Variants in DNAL1 observed in about 807,000 individuals in gnomAD.
The protein encoded by DNAL1 is dynein axonemal light chain 1.
DNAL1 carries 17 observed loss-of-function variants against 29.4 expected under a neutral mutation model. The ratio of observed to expected loss-of-function variants is 0.58; its 90% CI spans 0.40 to 0.87. DNAL1 has a LOEUF of 0.87. DNAL1 is among the 40% of genes least tolerant of loss of function. The probability of loss-of-function intolerance (pLI) is 0.00; values close to 1 mark genes in which losing one functional copy is unlikely to be tolerated. For synonymous variants in DNAL1, 78 were observed against 76.3 expected (o/e 1.02, Z -0.12); for missense variants, 188 against 214.1 (o/e 0.88, Z 0.76).
At chr14:73,682,869 ATTTT>A (rs57815202) in intron 5 of DNAL1, among the ~76,000 whole-genome samples, 4 of 101,810 alleles carry the variant, frequency 3.9e-5, no homozygotes, top group Admixed American at 1.1e-4. Context: ...TTTTATAGTT[ATTTT>A]TTTTTTTTTT....
intron 5 of DNAL1, among the ~76,000 whole-genome samples, chr14:73,681,624 AAAAAAAAAAATATATATAT>A (rs1891884019): frequency 2.0e-5 from 1 of 49,196 alleles, no homozygotes; most frequent in African/African-American, 6.6e-5. Context: ...AAAAAAAAAA[AAAAAAAAAAATATATATAT>A]ATATATATAT....
At chr14:73,668,605 T>C (rs1382990437) in intron 4 of DNAL1, among the ~76,000 whole-genome samples, 2 of 152,186 alleles carry the variant, frequency 1.3e-5, no homozygotes, top group East Asian at 3.8e-4. Context: ...CCTGTAGTTG[T>C]GATCAAGATG....
rs1302613060 is a variant in DNAL1 at position 73,658,917 on chromosome 14, A to G, written c.113A>G (p.Glu38Gly). Reference sequence around the variant, plus strand: ...CTTTATGCCCAGATTCCCCCTATAGAGAAGATGGATGCATCCTTGTCCATG... The same window carrying G: ...CTTTATGCCCAGATTCCCCCTATAGGGAAGATGGATGCATCCTTGTCCATG... ...IKLYAQIPPI[E>G]KMDASLSMLA... Residue 38 changes from glutamate to glycine, a missense_variant, in exon 3 of 8, where the codon GAG becomes GGG. Physicochemically the swap from Glu to Gly is moderately conservative, Grantham distance 98 (BLOSUM62 -2). Transcript: ENST00000553645. 6.4e-7 allele frequency: 1 copy of G among 1,573,920 alleles called. No individual in the cohort carries two copies. The highest frequency in any genetic ancestry group is 8.6e-7 in the Non-Finnish European group (1 of 1,159,272).
intron 5 of DNAL1, among the ~76,000 whole-genome samples, chr14:73,675,902 C>T (rs570987520): frequency 6.6e-6 from 1 of 152,112 alleles, no homozygotes; most frequent in East Asian, 1.9e-4. Flanking sequence ...GTAATCCCAG[C>T]TACTTGGGAG....
intron 5 of DNAL1, among the ~76,000 whole-genome samples, chr14:73,677,884 TTG>T (rs566825653): frequency 0.036 from 3,472 of 96,022 alleles, 195 homozygotes; most frequent in African/African-American, 0.12. Context: ...ATATATATAT[TTG>T]TGTGTGTGTG....
chr14:73,693,679 C>T (rs1285060100), intron 7 of DNAL1, among the ~76,000 whole-genome samples: 1 of 151,916 alleles, frequency 6.6e-6, no homozygotes, highest in Non-Finnish European at 1.5e-5. Flanking sequence ...CCCCTGCACT[C>T]CAGCCTGGGT....
intron 5 of DNAL1, among the ~76,000 whole-genome samples, chr14:73,685,170 G>T (rs181727193): frequency 6.6e-6 from 1 of 152,060 alleles, no homozygotes; most frequent in African/African-American, 2.4e-5. Flanking sequence ...TAAGTGTATA[G>T]TTCAGTGGTA....
intron 6 of DNAL1, among the ~76,000 whole-genome samples, chr14:73,688,386 G>C (rs1892073687): frequency 6.6e-6 from 1 of 152,156 alleles, no homozygotes; most frequent in South Asian, 2.1e-4. Flanking sequence ...AAGGCGGGCA[G>C]ATCACCTGAG....
At chr14:73,681,776 C>G (rs1225934248) in intron 5 of DNAL1, among the ~76,000 whole-genome samples, 1 of 150,414 alleles carries the variant, frequency 6.6e-6, no homozygotes, top group East Asian at 2.0e-4. Context: ...GCCTGGACAA[C>G]AGAGCAAGAC....
At position 73,697,788 on chromosome 14, in the gene DNAL1, C is replaced by A. The variant is rs17129433; in HGVS notation, c.*1846C>A. ...AAAGAGGAAAACTTGGTCTAACACC[C>A]TTTTAGTTTTCTTTTCTCTCTTCTT... On this transcript the variant is annotated 3_prime_UTR_variant, in exon 8 of 8. Transcript: ENST00000553645. 2 of 150,416 alleles carry A rather than the reference C, an allele frequency of 1.3e-5. No individual in the cohort carries two copies. The highest frequency in any genetic ancestry group is 3.0e-5 in the Non-Finnish European group (2 of 67,734). 9.3% of individuals were successfully genotyped at this position (150,416 alleles called of 1,614,324 possible).
intron 5 of DNAL1, among the ~76,000 whole-genome samples, chr14:73,684,892 TCTAAA>T (rs1229789716): frequency 4.0e-5 from 6 of 151,854 alleles, no homozygotes; most frequent in African/African-American, 1.2e-4. Flanking sequence ...AGACTCTGTC[TCTAAA>T]CTAAAAAACA....
Position 73,685,382 on chromosome 14 carries a change from A to G in DNAL1, c.265-1877A>G, listed in dbSNP as rs116197350. Among the ~76,000 whole-genome samples the G allele has an allele frequency of 8.1e-3, 1,227 of 152,130 alleles. 24 individuals are homozygous for G. Among genetic ancestry groups the G allele is most frequent in the African/African-American group, 0.028 (1,163 of 41,464 alleles). ...ATCATACAGCATTTATCTTTTTGTG[A>G]CTGGCTTATTTAACTTAGCGTAATA... On this transcript the variant is annotated intron_variant, in intron 5 of 7. Coordinates refer to ENST00000553645, the MANE Select transcript of DNAL1 (RefSeq NM_031427.4).
intron 7 of DNAL1, among the ~76,000 whole-genome samples, chr14:73,694,862 T>C (rs1333666505): frequency 6.6e-6 from 1 of 151,920 alleles, no homozygotes; most frequent in Non-Finnish European, 1.5e-5. Context: ...GCCAATTTTG[T>C]ATTTTTAGTA....
At chr14:73,681,095 G>A (rs896136185) in intron 5 of DNAL1, among the ~76,000 whole-genome samples, 1 of 92,138 alleles carries the variant, frequency 1.1e-5, no homozygotes, top group African/African-American at 2.9e-5. Context: ...TAGATTTTTT[G>A]TTGTTGTTGT....
intron 5 of DNAL1, among the ~76,000 whole-genome samples, chr14:73,686,620 T>C (rs1892023829): frequency 6.6e-6 from 1 of 152,106 alleles, no homozygotes; most frequent in Non-Finnish European, 1.5e-5. Context: ...GTGAGAGGAT[T>C]GCTTGAGCCC....
At chr14:73,649,445 G>A (rs1449122772) in intron 1 of DNAL1, among the ~76,000 whole-genome samples, 1 of 151,308 alleles carries the variant, frequency 6.6e-6, no homozygotes, top group Non-Finnish European at 1.5e-5. Context: ...ACCACGCCCG[G>A]CACATTTTTT....
chr14:73,699,646 G>A lies in DNAL1; in HGVS notation c.*3704G>A, dbSNP rs1336937242. The A allele has an allele frequency of 2.0e-5, 3 of 152,112 alleles. No homozygotes were observed. The highest frequency in any genetic ancestry group is 7.2e-5 in the African/African-American group (3 of 41,422). The allele number at this position is 152,112 out of a possible 1,614,324, so 9.4% of individuals were successfully genotyped here. On this transcript the variant is annotated 3_prime_UTR_variant, in exon 8 of 8. Coordinates refer to ENST00000553645, the MANE Select transcript of DNAL1 (RefSeq NM_031427.4). ...ATTTTCATGTAATATTAGAAACTCA[G>A]GGCTGGAAGGTTCAACTTCTCTTTT...
In DNAL1 at chr14:73,695,721, G is replaced by T. The variant is rs980172225; in HGVS notation, c.533-181G>T. On this transcript the variant is annotated intron_variant, in intron 7 of 7. Transcript: ENST00000553645. ...ATTTTTGTATTTTTATAGAGACGGG[G>T]TTTCACCATGTTGGCCAGGATGGTC... is the stretch of plus-strand genomic sequence containing the variant. Among the ~76,000 whole-genome samples, 6 of 152,118 alleles carry T rather than the reference G, an allele frequency of 3.9e-5. No individual in the cohort carries two copies. In the South Asian group the frequency reaches 1.2e-3, roughly 32 times the overall value.
At chr14:73,683,534 G>A (rs1891940940) in intron 5 of DNAL1, among the ~76,000 whole-genome samples, 1 of 151,912 alleles carries the variant, frequency 6.6e-6, no homozygotes. Flanking sequence ...TTAACCTGCT[G>A]TGCAATAGAA....
Sources: gnomAD v4.1 joint callset for allele counts (sites outside exome capture counted in the v4.1 genomes callset) on GRCh38, gnomAD v4.1.1 for gene constraint, MANE v1.5 for transcripts, NCBI Gene and HGNC (gene_info 2026-07-23, HGNC 2026-07-21) for gene names.